Variants in IL23R observed in about 807,000 individuals in gnomAD.
IL23R encodes interleukin-23 receptor.
A neutral mutation model predicts 56.9 loss-of-function variants in IL23R; 34 were observed. The observed-to-expected ratio is 0.60, with a 90% CI of 0.45 to 0.80. The LOEUF is 0.80. Among genes scored for constraint, IL23R ranks in the 30% least tolerant of loss-of-function variants. The pLI, the probability that IL23R is intolerant of heterozygous loss-of-function variation, is 0.00. For missense variants in IL23R, 635 were observed against 730.0 expected (o/e 0.87, Z 1.50); for synonymous variants, 230 against 249.2 (o/e 0.92, Z 0.73).
chr1:67,248,673 C>G (rs982282088), intron 9 of IL23R, among the ~76,000 whole-genome samples: 2 of 152,162 alleles, frequency 1.3e-5, no homozygotes, highest in Non-Finnish European at 2.9e-5. Context: ...AGTTGTGATC[C>G]TTTGGAGGGG....
intron 3 of IL23R, among the ~76,000 whole-genome samples, chr1:67,179,505 T>C (rs993844761): frequency 1.3e-5 from 2 of 152,196 alleles, no homozygotes; most frequent in Non-Finnish European, 2.9e-5. Context: ...GATGCTTCTC[T>C]CTTTTCTTCT....
chr1:67,226,529 AGCCATTCT>A (rs1409758013), intron 7 of IL23R, among the ~76,000 whole-genome samples: 1 of 152,132 alleles, frequency 6.6e-6, no homozygotes, highest in African/African-American at 2.4e-5. Flanking sequence ...TTCTCTGCCG[AGCCATTCT>A]GCCATTCTTC....
intron 5 of IL23R, 40 bp downstream of exon 5, chr1:67,200,937 A>G (rs1381098146): frequency 1.9e-6 from 3 of 1,597,448 alleles, no homozygotes; most frequent in Admixed American, 3.3e-5. Context: ...AATAATAACC[A>G]GTTTGTGCTG....
intron 9 of IL23R, among the ~76,000 whole-genome samples, chr1:67,255,514 C>A (rs1230604219): frequency 6.6e-6 from 1 of 152,086 alleles, no homozygotes; most frequent in Non-Finnish European, 1.5e-5. Context: ...TCACAGCTCA[C>A]TACAGCCTTG....
chr1:67,180,255 A>T (rs879100097), intron 3 of IL23R, among the ~76,000 whole-genome samples: 1 of 152,094 alleles, frequency 6.6e-6, no homozygotes, highest in African/African-American at 2.4e-5. Context: ...GGGGAGTCTA[A>T]GTCTCTTTGT....
intron 9 of IL23R, among the ~76,000 whole-genome samples, chr1:67,248,353 T>G (rs1026881035): frequency 1.3e-5 from 2 of 152,222 alleles, no homozygotes; most frequent in South Asian, 2.1e-4. Context: ...CTTGCTTTAT[T>G]TCATTGAGTT....
At chr1:67,235,275 A>G (rs1390188487) in intron 7 of IL23R, among the ~76,000 whole-genome samples, 4 of 152,216 alleles carry the variant, frequency 2.6e-5, no homozygotes, top group African/African-American at 9.6e-5. Context: ...GACAAAAAAC[A>G]CGGGAAATAA....
chr1:67,232,062 TAA>T (rs890683269), intron 7 of IL23R, among the ~76,000 whole-genome samples: 1 of 152,086 alleles, frequency 6.6e-6, no homozygotes, highest in Non-Finnish European at 1.5e-5. Flanking sequence ...AAAACATTTA[TAA>T]AGAGTATGAT....
chr1:67,261,342 A>G (rs571533053), downstream of IL23R, among the ~76,000 whole-genome samples: 32 of 148,724 alleles, frequency 2.2e-4, no homozygotes, highest in African/African-American at 7.9e-4. Context: ...TGCACTGACA[A>G]TCCTCTTTAT....
rs767571853 is a variant in IL23R at position 67,168,079 on chromosome 1, A to T, written c.-29-13A>T. ...ATACTACAATTTAAACATTTTTCAT[A>T]TTTTTTTTCCAGAGGGAAACAGTCT... On this transcript the variant is annotated splice_polypyrimidine_tract_variant and intron_variant, in intron 1 of 10. Coordinates refer to ENST00000347310, the MANE Select transcript of IL23R (RefSeq NM_144701.3). 14 of 1,366,236 alleles carry T rather than the reference A, an allele frequency of 1.0e-5. No homozygotes were observed. The highest frequency in any genetic ancestry group is 1.8e-4 in the Middle Eastern group (1 of 5,616). 84.6% of individuals were successfully genotyped at this position (1,366,236 alleles called of 1,614,324 possible).
downstream of IL23R, among the ~76,000 whole-genome samples, chr1:67,263,502 A>T (rs557417070): frequency 6.6e-6 from 1 of 152,302 alleles, no homozygotes; most frequent in South Asian, 2.1e-4. Flanking sequence ...TGTTCCCTTG[A>T]GTGGCTAATT....
intron 9 of IL23R, among the ~76,000 whole-genome samples, chr1:67,247,428 C>T (rs1176207679): frequency 1.3e-5 from 2 of 152,066 alleles, no homozygotes; most frequent in Non-Finnish European, 2.9e-5. Context: ...CCTCAGCCTC[C>T]CTAGTAGCTG....
At chr1:67,165,004 T>A (rs927916103), upstream of IL23R, among the ~76,000 whole-genome samples, 3 of 152,196 alleles carry the variant, frequency 2.0e-5, no homozygotes, top group Non-Finnish European at 4.4e-5. Flanking sequence ...GTTCAGGAGT[T>A]CAAGACTAGC....
downstream of IL23R, among the ~76,000 whole-genome samples, chr1:67,262,909 T>C (rs1570939078): frequency 6.6e-6 from 1 of 151,894 alleles, no homozygotes; most frequent in East Asian, 1.9e-4. Context: ...CAAAATGGAG[T>C]GTCATAGTTC....
chr1:67,251,091 G>C (rs898443911), intron 9 of IL23R, among the ~76,000 whole-genome samples: 4 of 152,070 alleles, frequency 2.6e-5, no homozygotes, highest in Admixed American at 2.0e-4. Flanking sequence ...AGACAAAATG[G>C]AGAAAAATAA....
chr1:67,201,566 C>A (rs766233461), intron 5 of IL23R, among the ~76,000 whole-genome samples: 3,714 of 138,974 alleles, frequency 0.027, 44 homozygotes, highest in Middle Eastern at 0.054. Flanking sequence ...AAAAAAAAAA[C>A]AAAAAAACAC....
intron 1 of IL23R, among the ~76,000 whole-genome samples, chr1:67,153,733 C>A (rs1646748294): frequency 1.3e-5 from 2 of 151,676 alleles, no homozygotes; most frequent in South Asian, 4.2e-4. Context: ...GCAGGTTGTT[C>A]AGTTTCCATG....
Position 67,169,495 on chromosome 1 carries a change from T to A in IL23R, c.224T>A (p.Phe75Tyr), listed in dbSNP as rs1320853001. Residue 75 changes from phenylalanine (F) to tyrosine (Y), a missense_variant, in exon 3 of 11, where the codon TTT becomes TAT. Transcript: ENST00000347310. ...HFYKNGIKERFQITRINKTTA... is the reference protein window; with the variant it reads ...HFYKNGIKERYQITRINKTTA... ...TATAAAAATGGCATCAAAGAAAGAT[T>A]TCAAATCACAAGGATTAATAAAACA... 1 of 1,614,050 alleles carries A rather than the reference T, an allele frequency of 6.2e-7. No individual in the cohort carries two copies.
At chr1:67,157,132 C>T (rs1352772078) in intron 1 of IL23R, among the ~76,000 whole-genome samples, 1 of 152,180 alleles carries the variant, frequency 6.6e-6, no homozygotes, top group Admixed American at 6.5e-5. Flanking sequence ...GCACCCACTG[C>T]ATAACCAGTC....
Sources: allele counts gnomAD v4.1 joint callset (sites outside exome capture counted in the v4.1 genomes callset), GRCh38; gene constraint gnomAD v4.1.1; transcripts MANE v1.5; gene names NCBI Gene and HGNC (gene_info 2026-07-23, HGNC 2026-07-21).